Variants in GMDS observed in about 807,000 individuals in gnomAD.
The protein encoded by GMDS is GDP-mannose 4,6 dehydratase.
A neutral mutation model predicts 49.9 loss-of-function variants in GMDS; 20 were observed. The observed-to-expected ratio is 0.40, with a 90% confidence interval of 0.28 to 0.58. GMDS has a LOEUF of 0.58. Ranked by LOEUF, GMDS falls within the 20% of genes least tolerant of loss-of-function variation. The probability of loss-of-function intolerance (pLI) is 0.42; values close to 1 mark genes in which losing one functional copy is unlikely to be tolerated. For synonymous variants in GMDS, 177 were observed against 178.6 expected, an observed-to-expected ratio of 0.99 and a Z score of 0.07; for missense variants, 362 against 481.4, an observed-to-expected ratio of 0.75 and a Z score of 2.32.
chr6:2,098,402 G>C (rs371804423), intron 4 of GMDS, among the ~76,000 whole-genome samples: 1 of 152,138 alleles, frequency 6.6e-6, no homozygotes, highest in East Asian at 1.9e-4. Flanking sequence ...GGAAAATTTA[G>C]TAATAAAGAA....
intron 9 of GMDS, among the ~76,000 whole-genome samples, chr6:1,691,539 T>C (rs901160749): frequency 2.0e-5 from 3 of 152,152 alleles, no homozygotes; most frequent in Non-Finnish European, 2.9e-5. Flanking sequence ...AATAAAGTGA[T>C]CTTAGAAGTC....
At chr6:2,044,571 G>C (rs1769884246) in intron 4 of GMDS, among the ~76,000 whole-genome samples, 1 of 152,126 alleles carries the variant, frequency 6.6e-6, no homozygotes, top group Non-Finnish European at 1.5e-5. Context: ...AGAGGGTGGA[G>C]GGTGAGAGGA....
intron 4 of GMDS, among the ~76,000 whole-genome samples, chr6:2,106,670 C>T (rs1304368223): frequency 6.6e-6 from 1 of 152,046 alleles, no homozygotes; most frequent in Non-Finnish European, 1.5e-5. Flanking sequence ...GGAGACCGGC[C>T]TGGCCAACAT....
intron 1 of GMDS, among the ~76,000 whole-genome samples, chr6:2,133,333 G>A (rs973963724): frequency 1.3e-5 from 2 of 152,146 alleles, no homozygotes; most frequent in Admixed American, 6.5e-5. Context: ...CAAAACAAAT[G>A]TCCTTTTGTT....
chr6:1,902,973 GC>G (rs1272188576), intron 7 of GMDS, among the ~76,000 whole-genome samples: 1 of 152,106 alleles, frequency 6.6e-6, no homozygotes, highest in Non-Finnish European at 1.5e-5. Flanking sequence ...ATAATAGCAA[GC>G]CCTCCTAGTC....
At chr6:2,101,545 G>A (rs1219664409) in intron 4 of GMDS, among the ~76,000 whole-genome samples, 1 of 151,810 alleles carries the variant, frequency 6.6e-6, no homozygotes, top group Non-Finnish European at 1.5e-5. Context: ...CTGAGAGAAA[G>A]AGAAAAGAAT....
At chr6:1,892,799 T>C (rs1055283027) in intron 7 of GMDS, among the ~76,000 whole-genome samples, 1 of 152,230 alleles carries the variant, frequency 6.6e-6, no homozygotes, top group African/African-American at 2.4e-5. Flanking sequence ...CCCCTAGCTG[T>C]GTCAATGGAA....
intron 7 of GMDS, among the ~76,000 whole-genome samples, chr6:1,750,579 T>G (rs1435207189): frequency 6.6e-6 from 1 of 152,176 alleles, no homozygotes; most frequent in Admixed American, 6.5e-5. Flanking sequence ...CCATGGTCTT[T>G]GCAACCCACA....
At chr6:1,649,823 G>C (rs1291811270) in intron 9 of GMDS, among the ~76,000 whole-genome samples, 1 of 152,182 alleles carries the variant, frequency 6.6e-6, no homozygotes, top group Non-Finnish European at 1.5e-5. Flanking sequence ...TAGATATCAT[G>C]CTCCTGACAG....
intron 8 of GMDS, among the ~76,000 whole-genome samples, chr6:1,741,480 ATTTGGAAAAT>A (rs1256795467): frequency 2.6e-5 from 4 of 151,964 alleles, no homozygotes; most frequent in Non-Finnish European, 5.9e-5. Flanking sequence ...GATGAAAGAA[ATTTGGAAAAT>A]TTTCCAAATT....
chr6:1,770,176 G>A (rs993138252), intron 7 of GMDS, among the ~76,000 whole-genome samples: 3 of 152,122 alleles, frequency 2.0e-5, no homozygotes, highest in African/African-American at 7.2e-5. Context: ...TGAAAAATGA[G>A]GATATCTTCT....
At chr6:1,947,915 T>A (rs1013992576) in intron 6 of GMDS, among the ~76,000 whole-genome samples, 2 of 152,246 alleles carry the variant, frequency 1.3e-5, no homozygotes, top group Non-Finnish European at 2.9e-5. Flanking sequence ...AGTCATATGT[T>A]CCTTTATGCA....
At chr6:1,862,473 CAA>C (rs914828345) in intron 7 of GMDS, among the ~76,000 whole-genome samples, 6 of 152,152 alleles carry the variant, frequency 3.9e-5, no homozygotes, top group African/African-American at 1.4e-4. Context: ...ATCAAGCTAT[CAA>C]AGAGAATCTG....
chr6:1,732,363 C>T (rs1157910328), intron 8 of GMDS, among the ~76,000 whole-genome samples: 2 of 152,088 alleles, frequency 1.3e-5, no homozygotes, highest in Non-Finnish European at 2.9e-5. Context: ...AGATAAAATA[C>T]ATGTGGTTTA....
At chr6:1,793,845 G>A (rs1432469305) in intron 7 of GMDS, among the ~76,000 whole-genome samples, 4 of 152,134 alleles carry the variant, frequency 2.6e-5, no homozygotes, top group African/African-American at 9.7e-5. Flanking sequence ...TAAAAAAACA[G>A]AAAGTTTGAC....
intron 7 of GMDS, among the ~76,000 whole-genome samples, chr6:1,876,559 C>CT (rs145752601): frequency 3.3e-4 from 50 of 152,266 alleles, no homozygotes; most frequent in African/African-American, 1.2e-3. Flanking sequence ...GGGTTCATGC[C>CT]TAGCTCTTAG....
At chr6:1,884,125 T>C (rs1759490970) in intron 7 of GMDS, among the ~76,000 whole-genome samples, 1 of 152,226 alleles carries the variant, frequency 6.6e-6, no homozygotes, top group Non-Finnish European at 1.5e-5. Context: ...AGTCATTTCC[T>C]TTCTCCCCAT....
intron 1 of GMDS, among the ~76,000 whole-genome samples, chr6:2,183,717 T>C (rs931642861): frequency 6.6e-6 from 1 of 152,164 alleles, no homozygotes; most frequent in African/African-American, 2.4e-5. Flanking sequence ...AGTCAACCAA[T>C]GTGGCAAACT....
At chr6:2,131,340 G>A (rs1775727180) in intron 1 of GMDS, among the ~76,000 whole-genome samples, 1 of 152,124 alleles carries the variant, frequency 6.6e-6, no homozygotes, top group Non-Finnish European at 1.5e-5. Context: ...GTAAGGTATA[G>A]AAAGATTAAT....
Sources: gnomAD v4.1 joint callset for allele counts (sites outside exome capture counted in the v4.1 genomes callset) on GRCh38, gnomAD v4.1.1 for gene constraint, MANE v1.5 for transcripts, NCBI Gene and HGNC (gene_info 2026-07-23, HGNC 2026-07-21) for gene names.